Variants in RYR2 observed in about 807,000 individuals in gnomAD.
RYR2 encodes the protein ryanodine receptor 2, also known as cardiac muscle ryanodine receptor-calcium release channel.
RYR2 carries 227 observed loss-of-function variants against 601.1 expected under a neutral mutation model. The ratio of observed to expected loss-of-function variants is 0.38; its 90% CI spans 0.34 to 0.42. The LOEUF (loss-of-function observed/expected upper bound fraction) is 0.42. Ranked by LOEUF, RYR2 falls within the 10% of genes least tolerant of loss-of-function variation. The pLI, the probability that RYR2 is intolerant of heterozygous loss-of-function variation, is 1.00. For synonymous variants in RYR2, 2,223 were observed against 2,175.1 expected, an observed-to-expected ratio of 1.02 and a Z score of -0.61; for missense variants, 4,646 against 6,156.5, an observed-to-expected ratio of 0.75 and a Z score of 8.21.
intron 62 of RYR2, among the ~76,000 whole-genome samples, chr1:237,682,627 T>G (rs910418777): frequency 2.0e-5 from 3 of 152,194 alleles, no homozygotes; most frequent in African/African-American, 7.2e-5. Context: ...TATGATGTAC[T>G]TATATCATGG....
intron 98 of RYR2, among the ~76,000 whole-genome samples, chr1:237,804,983 C>A (rs1198339848): frequency 6.6e-6 from 1 of 152,070 alleles, no homozygotes; most frequent in Non-Finnish European, 1.5e-5. Context: ...TGTCATGACT[C>A]AGGGGAGAGG....
chr1:237,435,341 T>A (rs888845708), intron 12 of RYR2, among the ~76,000 whole-genome samples: 2 of 152,216 alleles, frequency 1.3e-5, no homozygotes, highest in African/African-American at 4.8e-5. Context: ...AGACAAGTTA[T>A]GTGGCAGAAC....
At chr1:237,678,160 A>C in intron 61 of RYR2, 48 bp downstream of exon 61, 1 of 1,030,338 alleles carries the variant, frequency 9.7e-7, no homozygotes, top group Non-Finnish European at 1.5e-6. Flanking sequence ...GTTTGTTTAC[A>C]TACCCTACTC....
intron 1 of RYR2, among the ~76,000 whole-genome samples, chr1:237,247,862 T>C (rs1349047196): frequency 2.6e-5 from 4 of 152,308 alleles, no homozygotes; most frequent in Admixed American, 6.5e-5. Context: ...AAAGTAACAC[T>C]GTAATTGACA....
chr1:237,459,375 G>A (rs968413369), intron 16 of RYR2, among the ~76,000 whole-genome samples: 3 of 152,110 alleles, frequency 2.0e-5, no homozygotes, highest in African/African-American at 7.2e-5. Context: ...GCTTGAGGCT[G>A]GAAGTTTGAG....
rs925915036 is a variant in RYR2 at position 237,787,930 on chromosome 1, C to T, written c.13329-58C>T. 2.7e-6 allele frequency: 4 copies of T among 1,498,600 alleles called. No homozygotes were observed. The African/African-American group carries it at 5.6e-5, about 21-fold the overall frequency. 92.8% of individuals were successfully genotyped at this position (1,498,600 alleles called of 1,614,324 possible). A position where few individuals can be genotyped will look rare whatever the true frequency, so the allele number is the denominator to read the frequency against. ...TGTTCACTTGGGTAATTTTCCACAA[C>T]ACCCGTTTAGTTCTTTAGTTTCTGG... is the stretch of plus-strand genomic sequence containing the variant. On this transcript the variant is annotated intron_variant, in intron 91 of 104. Coordinates refer to ENST00000366574, the MANE Select transcript of RYR2 (RefSeq NM_001035.3).
chr1:237,458,998 G>A (rs1411331660), intron 16 of RYR2, among the ~76,000 whole-genome samples: 1 of 152,164 alleles, frequency 6.6e-6, no homozygotes, highest in Non-Finnish European at 1.5e-5. Flanking sequence ...CTGAGAACAG[G>A]ACCAGGGATA....
rs545216232 is a variant in RYR2 at position 237,074,476 on chromosome 1, C to T, written c.48+31907C>T. Among the ~76,000 whole-genome samples the T allele has an allele frequency of 1.1e-4, 16 of 152,326 alleles. No individual in the cohort carries two copies. The South Asian group carries it at 1.7e-3, about 16-fold the overall frequency. ...ACACTGATGGATAGAGGCTGCTTTA[C>T]ACCTCTGAGGCCTCAAGCAGGATTC... is the stretch of plus-strand genomic sequence containing the variant. On this transcript the variant is annotated intron_variant, in intron 1 of 104. Coordinates refer to ENST00000366574, the MANE Select transcript of RYR2 (RefSeq NM_001035.3).
intron 35 of RYR2, among the ~76,000 whole-genome samples, chr1:237,607,236 A>C (rs1573079315): frequency 6.6e-6 from 1 of 152,316 alleles, no homozygotes; most frequent in South Asian, 2.1e-4. Flanking sequence ...ACGGAATACT[A>C]TCCAGCCACG....
chr1:237,072,497 T>A (rs1416003784), intron 1 of RYR2, among the ~76,000 whole-genome samples: 1 of 152,052 alleles, frequency 6.6e-6, no homozygotes, highest in Non-Finnish European at 1.5e-5. Context: ...TAGAGATTTT[T>A]TCTTTAGTGC....
chr1:237,293,611 C>T (rs1216044901), intron 2 of RYR2, among the ~76,000 whole-genome samples: 1 of 152,112 alleles, frequency 6.6e-6, no homozygotes, highest in African/African-American at 2.4e-5. Flanking sequence ...CATGATAGAG[C>T]AGCTCACATA....
chr1:237,377,285 G>A (rs1207226840), intron 7 of RYR2, 38 bp from the exon 8 acceptor site: 1 of 1,470,760 alleles, frequency 6.8e-7, no homozygotes, highest in Non-Finnish European at 9.3e-7. Context: ...TTAATTAAGA[G>A]GAACTTTTTC....
chr1:237,371,829 T>C (rs1384991715), intron 6 of RYR2, among the ~76,000 whole-genome samples: 1 of 152,024 alleles, frequency 6.6e-6, no homozygotes, highest in Non-Finnish European at 1.5e-5. Flanking sequence ...TTCTCACTCA[T>C]AGGTGGGAAT....
chr1:237,160,826 T>C (rs1421443609), intron 1 of RYR2, among the ~76,000 whole-genome samples: 2 of 152,126 alleles, frequency 1.3e-5, no homozygotes, highest in Non-Finnish European at 2.9e-5. Context: ...AAGAAAGAAT[T>C]GTTCTTTGTA....
chr1:237,403,796 G>C (rs1000924532), intron 10 of RYR2, among the ~76,000 whole-genome samples: 2 of 152,122 alleles, frequency 1.3e-5, no homozygotes, highest in African/African-American at 4.8e-5. Flanking sequence ...ATACCAAAAA[G>C]AGTTTCTTTG....
At chr1:237,519,346 T>A (rs1666870904) in intron 24 of RYR2, among the ~76,000 whole-genome samples, 1 of 152,216 alleles carries the variant, frequency 6.6e-6, no homozygotes, top group South Asian at 2.1e-4. Flanking sequence ...AGTCATAAAT[T>A]CTTTGCCTAG....
intron 1 of RYR2, among the ~76,000 whole-genome samples, chr1:237,229,111 G>T (rs1020249179): frequency 1.5e-5 from 2 of 137,164 alleles, no homozygotes; most frequent in African/African-American, 5.2e-5. Flanking sequence ...CTAGCCCTGT[G>T]GACCAGCTGT....
At chr1:237,358,674 G>A (rs1699511204) in intron 4 of RYR2, among the ~76,000 whole-genome samples, 1 of 151,806 alleles carries the variant, frequency 6.6e-6, no homozygotes, top group African/African-American at 2.4e-5. Context: ...GTCTAGTATG[G>A]CCCCCATTTG....
At chr1:237,159,596 C>T (rs565867427) in intron 1 of RYR2, among the ~76,000 whole-genome samples, 68 of 152,026 alleles carry the variant, frequency 4.5e-4, no homozygotes, top group African/African-American at 1.3e-3. Flanking sequence ...TTTGGGAGGC[C>T]GAGGCAGGAG....
Sources: gnomAD v4.1 joint callset for allele counts (sites outside exome capture counted in the v4.1 genomes callset) on GRCh38, gnomAD v4.1.1 for gene constraint, MANE v1.5 for transcripts, NCBI Gene and HGNC (gene_info 2026-07-23, HGNC 2026-07-21) for gene names.